The following ELP1 variants were observed in gnomAD, a reference collection of about 807,000 sequenced individuals.
ELP1 encodes elongator acetyltransferase complex subunit 1.
In ELP1, 131 loss-of-function variants were observed where a neutral mutation model predicts 183.2. The observed-to-expected ratio is 0.72, with a 90% CI of 0.62 to 0.83. The LOEUF is 0.83. ELP1 is among the 40% of genes least tolerant of loss of function. The pLI is 0.00. For synonymous variants in ELP1, 555 were observed against 569.0 expected (o/e 0.98, Z 0.35); for missense variants, 1,550 against 1,594.9 (o/e 0.97, Z 0.48).
In ELP1 at chr9:108,931,002, T is replaced by C. The variant is rs763985571; in HGVS notation, c.145A>G (p.Arg49Gly). The C allele has an allele frequency of 6.2e-7, 1 of 1,614,170 alleles. No individual in the cohort carries two copies. The highest frequency in any genetic ancestry group is 8.5e-7 in the Non-Finnish European group (1 of 1,180,006). The stretch of plus-strand genomic sequence containing the variant: ...ATTCTACATCAGTAACTTACTTCTC[T>C]TGAGACAGGGTCTACTTCTATCAGG... ...HGLIEVDPVS[R>G]EVKNEVSLVA... is the part of the protein sequence containing the mutation. Residue 49 changes from arginine to glycine, a missense_variant, in exon 2 of 37, where the codon AGA becomes GGA. Physicochemically the swap from Arg to Gly is moderately radical, Grantham distance 125. Transcript: ENST00000374647.
intron 10 of ELP1, 69 bp downstream of exon 10, chr9:108,916,135 A>G: frequency 2.6e-6 from 3 of 1,168,550 alleles, no homozygotes; most frequent in Non-Finnish European, 3.9e-6. Context: ...GGATGAAGGA[A>G]ATCCCATACC....
chr9:108,923,802 G>C (rs1240610049), intron 5 of ELP1, among the ~76,000 whole-genome samples: 1 of 152,190 alleles, frequency 6.6e-6, no homozygotes, highest in African/African-American at 2.4e-5. Context: ...CAGAGTTGCT[G>C]AAACAACACA....
intron 3 of ELP1, among the ~76,000 whole-genome samples, chr9:108,929,376 G>T (rs1386651706): frequency 6.6e-6 from 1 of 152,066 alleles, no homozygotes; most frequent in Admixed American, 6.5e-5. Context: ...TCTAAATTTA[G>T]CCAATCAACA....
intron 36 of ELP1, among the ~76,000 whole-genome samples, chr9:108,871,578 T>C (rs1304400513): frequency 6.6e-6 from 1 of 152,188 alleles, no homozygotes; most frequent in African/African-American, 2.4e-5. Flanking sequence ...GCAGTCCTGA[T>C]CATAAACCTG....
intron 1 of ELP1, among the ~76,000 whole-genome samples, chr9:108,932,406 A>T (rs1288474276): frequency 2.0e-5 from 3 of 152,074 alleles, no homozygotes; most frequent in Non-Finnish European, 4.4e-5. Context: ...CAATGGCGCG[A>T]TCTCGGCTCA....
At chr9:108,904,448 A>G (rs900649724) in intron 14 of ELP1, among the ~76,000 whole-genome samples, 5 of 152,178 alleles carry the variant, frequency 3.3e-5, no homozygotes, top group African/African-American at 1.2e-4. Context: ...AAGAAAAAAG[A>G]GACAAAGAAG....
At chr9:108,869,690 G>C (rs3763646) in intron 36 of ELP1, among the ~76,000 whole-genome samples, 1 of 152,102 alleles carries the variant, frequency 6.6e-6, no homozygotes, top group South Asian at 2.1e-4. Flanking sequence ...AAAGTGAATG[G>C]AGAGAGAGGG....
In ELP1 at chr9:108,899,123, C is replaced by G. The variant is rs144635248; in HGVS notation, c.2205-374G>C. Among the ~76,000 whole-genome samples the G allele has an allele frequency of 3.3e-4, 49 of 150,660 alleles. 1 individual carries two copies. The East Asian group carries it at 8.7e-3, about 27-fold the overall frequency. On this transcript the variant is annotated intron_variant, in intron 20 of 36. Transcript: ENST00000374647. The stretch of plus-strand genomic sequence containing the variant: ...ACCAGCCTGGCCAACATGGTGAAAC[C>G]CTGTCTCTACTGAAAATACAAAAAA...
intron 29 of ELP1, among the ~76,000 whole-genome samples, chr9:108,882,701 C>T (rs1258065419): frequency 6.6e-6 from 1 of 150,978 alleles, no homozygotes; most frequent in Non-Finnish European, 1.5e-5. Context: ...CCCAAGTGAT[C>T]CTCCTGCCTC....
intron 1 of ELP1, among the ~76,000 whole-genome samples, chr9:108,932,774 T>C (rs1483421447): frequency 6.6e-6 from 1 of 152,200 alleles, no homozygotes; most frequent in African/African-American, 2.4e-5. Flanking sequence ...AGGAAAGGAA[T>C]ATCCTCCATA....
chr9:108,933,400 C>T (rs891857309), intron 1 of ELP1, among the ~76,000 whole-genome samples: 1 of 152,208 alleles, frequency 6.6e-6, no homozygotes, highest in African/African-American at 2.4e-5. Context: ...CTGAAGATTA[C>T]TCAGCCACTG....
chr9:108,896,592 A>C lies in ELP1; in HGVS notation c.2640T>G (p.Tyr880Ter), dbSNP rs180790273. 6.2e-7 allele frequency: 1 copy of C among 1,613,896 alleles called. No homozygotes were observed. Among genetic ancestry groups the C allele is most frequent in the East Asian group, 2.2e-5 (1 of 44,880 alleles). Residue 880 changes from tyrosine to a stop codon, truncating the protein, a stop_gained, in exon 25 of 37, where the codon TAT (tyrosine) becomes TAG (stop). Coordinates refer to ENST00000374647, the MANE Select transcript of ELP1 (RefSeq NM_003640.5). LOFTEE classifies it high-confidence loss of function. Reference sequence around the variant, plus strand: ...CATTAACATCTACCAGATGCAGCAAATATTTCAAGGCCTCTTCAGCACTCA... The same window carrying C: ...CATTAACATCTACCAGATGCAGCAACTATTTCAAGGCCTCTTCAGCACTCA... ...DAVSAEEALK[Y>*]LLHLVDVNEL...
intron 35 of ELP1, among the ~76,000 whole-genome samples, chr9:108,877,699 C>T (rs184462392): frequency 1.3e-5 from 2 of 152,282 alleles, no homozygotes; most frequent in African/African-American, 4.8e-5. Context: ...CCCCATCTCT[C>T]CCCACTCCAA....
At chr9:108,886,937 G>A (rs953265049) in intron 29 of ELP1, among the ~76,000 whole-genome samples, 11 of 150,378 alleles carry the variant, frequency 7.3e-5, no homozygotes, top group East Asian at 1.9e-4. Flanking sequence ...GGCCAGGCAC[G>A]GAGGCTCATG....
intron 25 of ELP1, among the ~76,000 whole-genome samples, chr9:108,894,403 T>C (rs1231226862): frequency 6.6e-6 from 1 of 152,190 alleles, no homozygotes; most frequent in African/African-American, 2.4e-5. Flanking sequence ...TGATTGTGGA[T>C]GCAGAAGCCG....
At position 108,917,689 on chromosome 9, in the gene ELP1, T is replaced by C. The variant is rs536896628; in HGVS notation, c.741-19A>G. ...TGAGGGTCTTAAAGCAAACTCAGAG[T>C]GTTACAATATCGAAAGCTCACCTAA... On this transcript the variant is annotated intron_variant, in intron 8 of 36. Coordinates refer to ENST00000374647, the MANE Select transcript of ELP1 (RefSeq NM_003640.5). 7 of 1,613,668 alleles carry C rather than the reference T, an allele frequency of 4.3e-6. No homozygotes were observed. The African/African-American group carries it at 6.7e-5, about 15-fold the overall frequency.
Position 108,900,280 on chromosome 9 carries a change from C to T in ELP1, c.2110G>A (p.Asp704Asn). Residue 704 changes from aspartate (D) to asparagine (N), a missense_variant, in exon 19 of 37, where the codon GAC (aspartate) becomes AAC (asparagine). Transcript: ENST00000374647. ...GSRIVTVVPQ[D>N]TKLVLQMPRG... The stretch of plus-strand genomic sequence containing the variant: ...CTTACCTGTAATACAAGCTTTGTGT[C>T]CTGGGGCACAACAGTGACAATCCGT... The T allele has an allele frequency of 1.9e-6, 3 of 1,613,892 alleles. No homozygotes were observed. The highest frequency in any genetic ancestry group is 2.5e-6 in the Non-Finnish European group (3 of 1,179,756).
intron 14 of ELP1, among the ~76,000 whole-genome samples, chr9:108,905,335 G>C (rs1828979251): frequency 6.6e-6 from 1 of 152,144 alleles, no homozygotes; most frequent in Non-Finnish European, 1.5e-5. Context: ...GCCAAGTATT[G>C]ACACTGGAAA....
At chr9:108,930,832 G>A (rs762380506) in intron 2 of ELP1, among the ~76,000 whole-genome samples, 165 bp downstream of exon 2, 5 of 152,130 alleles carry the variant, frequency 3.3e-5, no homozygotes, top group Non-Finnish European at 5.9e-5. Context: ...GAAGGATTAC[G>A]ATTTAAGCTA....
Sources: gnomAD v4.1 joint callset for allele counts (sites outside exome capture counted in the v4.1 genomes callset) on GRCh38, gnomAD v4.1.1 for gene constraint, MANE v1.5 for transcripts, NCBI Gene and HGNC (gene_info 2026-07-23, HGNC 2026-07-21) for gene names.